IDO2: variants seen among roughly 807,000 people sequenced by gnomAD.
The protein encoded by IDO2 is indoleamine 2,3-dioxygenase 2, also known as indoleamine 2,3-dioxygenase-like 1 protein.
Under a neutral mutation model 45.1 loss-of-function variants are expected in IDO2, and 46 were observed. The observed-to-expected ratio is 1.02, with a 90% CI of 0.80 to 1.30. The LOEUF (loss-of-function observed/expected upper bound fraction) is 1.30. IDO2 is among the 50% of genes most tolerant of loss of function. The pLI is 0.00. For missense variants in IDO2, 544 were observed against 491.8 expected (o/e 1.11, Z -1.00); for synonymous variants, 218 against 184.9 (o/e 1.18, Z -1.45).
At chr8:39,938,700 A>G (rs1361579140) in intron 1 of IDO2, among the ~76,000 whole-genome samples, 2 of 152,218 alleles carry the variant, frequency 1.3e-5, no homozygotes, top group East Asian at 1.9e-4. Context: ...GTGATAAAAG[A>G]CAATTATCAA....
intron 5 of IDO2, 36 bp from the exon 6 acceptor site, chr8:39,985,472 T>G (rs778261374): frequency 2.3e-5 from 36 of 1,533,894 alleles, no homozygotes; most frequent in Middle Eastern, 3.4e-4. Flanking sequence ...ATTTTTTTTC[T>G]CTCTTGGTGG....
At chr8:40,009,215 C>A (rs2981148) in intron 9 of IDO2, among the ~76,000 whole-genome samples, 109,658 of 151,988 alleles carry the variant, frequency 0.72, 39,707 homozygotes, top group Middle Eastern at 0.79. Context: ...GGGTTTTGCC[C>A]TGTGGGCCAG....
intron 8 of IDO2, chr8:39,995,251 C>CCT (rs1802019872): frequency 9.0e-5 from 7 of 78,030 alleles, no homozygotes; most frequent in South Asian, 5.7e-4. Flanking sequence ...TTCTCCTTCT[C>CCT]CTTCTTCTTC....
intron 3 of IDO2, among the ~76,000 whole-genome samples, chr8:39,966,816 A>G (rs1446689965): frequency 6.6e-6 from 1 of 152,210 alleles, no homozygotes; most frequent in Admixed American, 6.5e-5. Context: ...TCGTTCATGA[A>G]TTTGAATAGA....
At chr8:39,944,595 G>T (rs1306582502) in intron 1 of IDO2, among the ~76,000 whole-genome samples, 1 of 152,084 alleles carries the variant, frequency 6.6e-6, no homozygotes, top group East Asian at 1.9e-4. Flanking sequence ...AGCTATATCC[G>T]CAATTCACAG....
intron 7 of IDO2, among the ~76,000 whole-genome samples, chr8:39,989,015 T>C (rs1808463862): frequency 6.6e-6 from 1 of 152,148 alleles, no homozygotes; most frequent in African/African-American, 2.4e-5. Flanking sequence ...CACACTGTTA[T>C]AAACATACTA....
At chr8:40,005,491 T>C in intron 9 of IDO2, 113 bp downstream of exon 9, 1 of 563,092 alleles carries the variant, frequency 1.8e-6, no homozygotes, top group South Asian at 5.3e-5. Flanking sequence ...AAGTGACTCT[T>C]GCTAGGGATC....
chr8:39,960,640 T>C (rs188319125), intron 2 of IDO2, among the ~76,000 whole-genome samples: 1 of 152,368 alleles, frequency 6.6e-6, no homozygotes, highest in Admixed American at 6.5e-5. Flanking sequence ...TAAATGTACA[T>C]AGATAAACTA....
chr8:40,001,838 G>A (rs1287151836), intron 8 of IDO2, among the ~76,000 whole-genome samples: 1 of 152,000 alleles, frequency 6.6e-6, no homozygotes, highest in Non-Finnish European at 1.5e-5. Context: ...CCAGGCTGGA[G>A]TGCAGTGGGT....
At chr8:39,985,443 C>A in intron 5 of IDO2, 65 bp from the exon 6 acceptor site, 1 of 1,400,350 alleles carries the variant, frequency 7.1e-7, no homozygotes, top group Non-Finnish European at 9.9e-7. Flanking sequence ...ATCTGGTTTA[C>A]AAACTGAATT....
intron 2 of IDO2, among the ~76,000 whole-genome samples, chr8:39,956,238 T>C (rs1036261319): frequency 7.9e-5 from 12 of 152,034 alleles, no homozygotes; most frequent in Admixed American, 2.0e-4. Context: ...TTTGTATCCT[T>C]TTTAGTAAAG....
chr8:39,968,407 ATGATGAAAC>A (rs1239083292), intron 3 of IDO2, among the ~76,000 whole-genome samples: 2 of 152,198 alleles, frequency 1.3e-5, no homozygotes, highest in African/African-American at 4.8e-5. Flanking sequence ...AATGTTTAGC[ATGATGAAAC>A]TGTTTTATAT....
intron 2 of IDO2, among the ~76,000 whole-genome samples, chr8:39,958,094 A>T (rs951759111): frequency 3.3e-5 from 5 of 151,620 alleles, no homozygotes; most frequent in Non-Finnish European, 7.4e-5. Flanking sequence ...TCTACTAGAG[A>T]CGTGGTTTCA....
chr8:39,997,529 G>A (rs1295829331), intron 8 of IDO2, among the ~76,000 whole-genome samples: 1 of 151,962 alleles, frequency 6.6e-6, no homozygotes, highest in Non-Finnish European at 1.5e-5. Context: ...AAAATTAGAT[G>A]GTAATGGTGG....
intron 3 of IDO2, among the ~76,000 whole-genome samples, chr8:39,971,049 C>T (rs1244017188): frequency 2.6e-5 from 4 of 152,180 alleles, no homozygotes; most frequent in African/African-American, 4.8e-5. Flanking sequence ...CAGGTGTGAG[C>T]CACTGCGCCC....
chr8:39,989,607 A>T, intron 7 of IDO2, 114 bp from the exon 8 acceptor site: 1 of 714,648 alleles, frequency 1.4e-6, no homozygotes, highest in Non-Finnish European at 2.3e-6. Context: ...CGTTCCCAGG[A>T]AGCTCTGACA....
At chr8:40,015,333 G>A in exon 11 of IDO2, 1 of 1,613,750 alleles carries the variant, frequency 6.2e-7, no homozygotes. Flanking sequence ...TTCCCTGAGG[G>A]ACTACATCCT....
chr8:39,942,884 G>A (rs954716192), intron 1 of IDO2, among the ~76,000 whole-genome samples: 6 of 152,038 alleles, frequency 3.9e-5, no homozygotes, highest in African/African-American at 1.5e-4. Context: ...AGGTGCAGAG[G>A]GAATGGATGA....
At chr8:40,002,692 A>T (rs960276124) in intron 8 of IDO2, among the ~76,000 whole-genome samples, 1 of 152,116 alleles carries the variant, frequency 6.6e-6, no homozygotes, top group African/African-American at 2.4e-5. Context: ...AGGCAGGAGA[A>T]TCGCTTGAAC....
Sources: allele counts gnomAD v4.1 joint callset (sites outside exome capture counted in the v4.1 genomes callset), GRCh38; gene constraint gnomAD v4.1.1; transcripts MANE v1.5; gene names NCBI Gene and HGNC (gene_info 2026-07-23, HGNC 2026-07-21).